Variants in YY1 observed in about 807,000 individuals in gnomAD.
The protein encoded by YY1 is transcriptional repressor protein YY1.
Under a neutral mutation model 35.6 loss-of-function variants are expected in YY1, and 2 were observed. That is an observed-to-expected ratio of 0.06 (90% confidence interval 0.02 to 0.18). YY1 has a LOEUF of 0.18. Ranked by LOEUF, YY1 falls within the 10% of genes least tolerant of loss-of-function variation. YY1 has a pLI of 1.00. For synonymous variants in YY1, 268 were observed against 238.9 expected (o/e 1.12, Z -1.12); for missense variants, 322 against 573.4 (o/e 0.56, Z 4.48).
intron 1 of YY1, among the ~76,000 whole-genome samples, chr14:100,253,256 A>C (rs1306871982): frequency 2.0e-5 from 3 of 152,176 alleles, no homozygotes; most frequent in Non-Finnish European, 4.4e-5. Context: ...ATTTGATATT[A>C]CCCCATCGCT....
chr14:100,268,173 T>A (rs754800597), intron 2 of YY1, among the ~76,000 whole-genome samples: 4 of 152,200 alleles, frequency 2.6e-5, no homozygotes, highest in African/African-American at 4.8e-5. Flanking sequence ...GTAAGCTGCT[T>A]TTCTGTCTCC....
At position 100,239,636 on chromosome 14, in the gene YY1, T is replaced by C; in HGVS notation, c.392T>C (p.Ile131Thr). Reference protein sequence around the residue: ...LRAEDGFEDQILIPVPAPAGG... With the variant: ...LRAEDGFEDQTLIPVPAPAGG... ...GCCGAGGACGGCTTCGAGGATCAGA[T>C]TCTCATCCCGGTGCCCGCGCCGGCC... Residue 131 changes from isoleucine to threonine, a missense_variant, in exon 1 of 5, where the codon ATT (isoleucine) becomes ACT (threonine). Ile to Thr is a moderately conservative substitution (Grantham distance 89, BLOSUM62 -1). Transcript: ENST00000262238. 6.2e-7 allele frequency: 1 copy of C among 1,610,964 alleles called. No individual in the cohort carries two copies. Among genetic ancestry groups the C allele is most frequent in the Non-Finnish European group, 8.5e-7 (1 of 1,179,478 alleles).
intron 1 of YY1, among the ~76,000 whole-genome samples, chr14:100,246,643 A>G (rs535591283): frequency 6.6e-6 from 1 of 152,372 alleles, no homozygotes; most frequent in South Asian, 2.1e-4. Flanking sequence ...CAAAATCAGT[A>G]AATGCAAGGA....
chr14:100,241,419 A>G (rs897974943), intron 1 of YY1, among the ~76,000 whole-genome samples: 6 of 152,192 alleles, frequency 3.9e-5, no homozygotes, highest in African/African-American at 1.2e-4. Flanking sequence ...AAGCCTCAAG[A>G]TGAGACAACT....
intron 1 of YY1, among the ~76,000 whole-genome samples, chr14:100,252,447 G>A (rs1415931393): frequency 6.6e-6 from 1 of 152,190 alleles, no homozygotes; most frequent in Non-Finnish European, 1.5e-5. Flanking sequence ...TATATGACTA[G>A]TGTTGGCTAG....
chr14:100,252,034 A>C (rs1337464901), intron 1 of YY1, among the ~76,000 whole-genome samples: 3 of 152,136 alleles, frequency 2.0e-5, no homozygotes, highest in Non-Finnish European at 2.9e-5. Flanking sequence ...GGTTTTGGAG[A>C]GTGGACTGGG....
intron 2 of YY1, among the ~76,000 whole-genome samples, chr14:100,267,414 A>G (rs960808812): frequency 6.6e-6 from 1 of 152,194 alleles, no homozygotes; most frequent in African/African-American, 2.4e-5. Flanking sequence ...TCATTTGTGT[A>G]TAGAAAAGAA....
At chr14:100,260,705 T>C (rs1031198621) in intron 1 of YY1, among the ~76,000 whole-genome samples, 1 of 146,628 alleles carries the variant, frequency 6.8e-6, no homozygotes, top group African/African-American at 2.5e-5. Context: ...TCTCCTGACC[T>C]CGTGATCCAC....
At chr14:100,248,111 A>ATTTTTTTTTTT (rs966925892) in intron 1 of YY1, among the ~76,000 whole-genome samples, 2 of 75,896 alleles carry the variant, frequency 2.6e-5, no homozygotes, top group Non-Finnish European at 2.5e-5. Flanking sequence ...CGCCCGGCTA[A>ATTTTTTTTTTT]TTTTTTTTTC....
chr14:100,261,075 G>A (rs1002141740), intron 1 of YY1, among the ~76,000 whole-genome samples: 2 of 151,960 alleles, frequency 1.3e-5, no homozygotes, highest in African/African-American at 4.8e-5. Flanking sequence ...GGGATTACAG[G>A]CATGAGCCAC....
intron 1 of YY1, among the ~76,000 whole-genome samples, chr14:100,249,765 T>TTTTTTG (rs1890896797): frequency 7.3e-6 from 1 of 137,300 alleles, no homozygotes; most frequent in Admixed American, 7.1e-5. Context: ...TTTTTGTTTG[T>TTTTTTG]TTTTGTTTTT....
At position 100,281,114 on chromosome 14, in the gene YY1, C is replaced by CT. The variant is rs1481170149; in HGVS notation, c.*3514_*3515insT. ...GAAACCTGACAATTCTACCCACCTC[C>CT]CCCCACCCCCGACTATAGGCAAAGA... On this transcript the variant is annotated 3_prime_UTR_variant, in exon 5 of 5. Transcript: ENST00000262238. 3 of 151,092 alleles carry CT rather than the reference C, an allele frequency of 2.0e-5. No individual in the cohort carries two copies. The highest frequency in any genetic ancestry group is 4.4e-5 in the Non-Finnish European group (3 of 68,000). The allele number at this position is 151,092 out of a possible 1,614,324, so 9.4% of individuals were successfully genotyped here.
chr14:100,264,308 C>G (rs1254630806), intron 2 of YY1: 1 of 152,268 alleles, frequency 6.6e-6, no homozygotes, highest in Non-Finnish European at 1.5e-5. Flanking sequence ...CCCCAAGTAG[C>G]TGGGATTACA....
Position 100,280,433 on chromosome 14 carries a change from T to G in YY1, c.*2833T>G, listed in dbSNP as rs933730664. ...TTTCTATTTTTGAATTTCTTATTAT[T>G]TCCCCCTTTTTGGTAGTGGAGTTGA... On this transcript the variant is annotated 3_prime_UTR_variant, in exon 5 of 5. Coordinates refer to ENST00000262238, the MANE Select transcript of YY1 (RefSeq NM_003403.5). 2.6e-5 allele frequency: 4 copies of G among 152,162 alleles called. No homozygotes were observed. Among genetic ancestry groups the G allele is most frequent in the Non-Finnish European group, 5.9e-5 (4 of 68,026 alleles). 9.4% of individuals were successfully genotyped at this position (152,162 alleles called of 1,614,324 possible).
chr14:100,274,572 A>G (rs997100816), intron 2 of YY1, 126 bp from the exon 3 acceptor site: 6 of 776,146 alleles, frequency 7.7e-6, no homozygotes, highest in Non-Finnish European at 1.3e-5. Context: ...TTTCTGCTTC[A>G]TGGAAATGTA....
At chr14:100,267,818 G>A (rs1189185404) in intron 2 of YY1, among the ~76,000 whole-genome samples, 9 of 152,344 alleles carry the variant, frequency 5.9e-5, no homozygotes, top group Non-Finnish European at 1.2e-4. Context: ...CACTGCGCCC[G>A]GCCTCTAACA....
At chr14:100,240,069 CGCGGCG>C (rs966081365) in intron 1 of YY1, 146 bp downstream of exon 1, 3 of 636,480 alleles carry the variant, frequency 4.7e-6, no homozygotes, top group Non-Finnish European at 6.3e-6. Context: ...GCGGCGGGGG[CGCGGCG>C]GCGGCGGCGG....
At chr14:100,244,815 T>G (rs1020961282) in intron 1 of YY1, among the ~76,000 whole-genome samples, 4 of 152,158 alleles carry the variant, frequency 2.6e-5, no homozygotes, top group Non-Finnish European at 5.9e-5. Context: ...TTCCTCAGCC[T>G]TCCAGAGTGA....
chr14:100,268,326 A>G (rs1891184142), intron 2 of YY1, among the ~76,000 whole-genome samples: 1 of 152,200 alleles, frequency 6.6e-6, no homozygotes, highest in Admixed American at 6.5e-5. Context: ...AATGACTTTA[A>G]TTGGAAAGTC....
Sources: gnomAD v4.1 joint callset for allele counts (sites outside exome capture counted in the v4.1 genomes callset) on GRCh38, gnomAD v4.1.1 for gene constraint, MANE v1.5 for transcripts, NCBI Gene and HGNC (gene_info 2026-07-23, HGNC 2026-07-21) for gene names.